MAGI1: variants seen among roughly 807,000 people sequenced by gnomAD.
MAGI1 encodes membrane-associated guanylate kinase, WW and PDZ domain-containing protein 1.
In MAGI1, 58 loss-of-function variants were observed where a neutral mutation model predicts 139.9. The ratio of observed to expected loss-of-function variants is 0.41; its 90% confidence interval spans 0.34 to 0.52. MAGI1 has a LOEUF of 0.52. Ranked by LOEUF, MAGI1 falls within the 20% of genes least tolerant of loss-of-function variation. The probability of loss-of-function intolerance (pLI) is 0.12; values close to 1 mark genes in which losing one functional copy is unlikely to be tolerated. For synonymous variants in MAGI1, 812 were observed against 737.9 expected (o/e 1.10, Z -1.63); for missense variants, 1,874 against 1,901.6 (o/e 0.99, Z 0.27).
At chr3:65,419,822 T>A (rs992322186) in intron 12 of MAGI1, among the ~76,000 whole-genome samples, 2 of 152,120 alleles carry the variant, frequency 1.3e-5, no homozygotes, top group Non-Finnish European at 2.9e-5. Context: ...CCCGTTCCTT[T>A]ACATATCGCC....
intron 1 of MAGI1, among the ~76,000 whole-genome samples, chr3:65,903,130 G>A (rs577525508): frequency 6.6e-6 from 1 of 152,134 alleles, no homozygotes; most frequent in African/African-American, 2.4e-5. Context: ...CTGGGACTAG[G>A]ACTACTGGCA....
chr3:65,917,511 T>C (rs2061961376), intron 1 of MAGI1, among the ~76,000 whole-genome samples: 1 of 152,184 alleles, frequency 6.6e-6, no homozygotes, highest in African/African-American at 2.4e-5. Context: ...TGAAAGTTTA[T>C]AAAAGCTTTA....
At chr3:66,026,627 G>A (rs2068276355) in intron 1 of MAGI1, among the ~76,000 whole-genome samples, 2 of 151,432 alleles carry the variant, frequency 1.3e-5, no homozygotes, top group South Asian at 2.1e-4. Flanking sequence ...TAGTTACAAG[G>A]CACCATTGTG....
chr3:65,914,885 T>C (rs2061828593), intron 1 of MAGI1, among the ~76,000 whole-genome samples: 1 of 152,192 alleles, frequency 6.6e-6, no homozygotes, highest in Non-Finnish European at 1.5e-5. Flanking sequence ...GAGCATCAAC[T>C]TCCCCATCTA....
intron 1 of MAGI1, among the ~76,000 whole-genome samples, chr3:65,903,511 T>C (rs2061321564): frequency 6.6e-6 from 1 of 152,094 alleles, no homozygotes; most frequent in African/African-American, 2.4e-5. Context: ...TCATGAAATG[T>C]TCTTATCAAA....
intron 2 of MAGI1, among the ~76,000 whole-genome samples, chr3:65,619,645 C>A (rs144566584): frequency 6.6e-6 from 1 of 152,148 alleles, no homozygotes; most frequent in Non-Finnish European, 1.5e-5. Context: ...GCACAACAGG[C>A]TGGTGGAGAG....
At chr3:65,824,060 A>G (rs1271641478) in intron 1 of MAGI1, among the ~76,000 whole-genome samples, 1 of 152,256 alleles carries the variant, frequency 6.6e-6, no homozygotes, top group Non-Finnish European at 1.5e-5. Flanking sequence ...AATGCCAAGT[A>G]CAAAACAATC....
At chr3:65,937,890 G>A (rs2063140378) in intron 1 of MAGI1, among the ~76,000 whole-genome samples, 1 of 151,914 alleles carries the variant, frequency 6.6e-6, no homozygotes, top group South Asian at 2.1e-4. Flanking sequence ...CATTCCGTTT[G>A]TTGGAAAATA....
intron 1 of MAGI1, among the ~76,000 whole-genome samples, chr3:65,720,906 C>T (rs750926249): frequency 5.3e-5 from 8 of 151,928 alleles, no homozygotes; most frequent in East Asian, 3.9e-4. Flanking sequence ...CACAACACCA[C>T]GCCTGGCTAA....
intron 2 of MAGI1, among the ~76,000 whole-genome samples, chr3:65,621,640 A>G (rs894731793): frequency 1.3e-5 from 2 of 152,166 alleles, no homozygotes; most frequent in African/African-American, 4.8e-5. Flanking sequence ...ACAGCACACC[A>G]TTACCTTAGA....
intron 2 of MAGI1, among the ~76,000 whole-genome samples, chr3:65,620,439 T>C (rs1287865656): frequency 1.3e-5 from 2 of 152,166 alleles, no homozygotes; most frequent in Non-Finnish European, 2.9e-5. Context: ...TGCCTGACAG[T>C]GCAGAAGAAG....
chr3:65,889,975 C>T (rs1370976019), intron 1 of MAGI1, among the ~76,000 whole-genome samples: 2 of 152,186 alleles, frequency 1.3e-5, no homozygotes, highest in African/African-American at 4.8e-5. Flanking sequence ...AGCTTTGTGC[C>T]TTTCAACAGA....
chr3:65,397,438 A>G (rs1944479671), intron 13 of MAGI1, among the ~76,000 whole-genome samples: 1 of 152,132 alleles, frequency 6.6e-6, no homozygotes, highest in Admixed American at 6.5e-5. Context: ...TGCTCTAAAG[A>G]GGCTGTTGAA....
At chr3:65,455,505 G>A (rs1238433540) in intron 5 of MAGI1, among the ~76,000 whole-genome samples, 1 of 152,104 alleles carries the variant, frequency 6.6e-6, no homozygotes, top group Non-Finnish European at 1.5e-5. Context: ...GAGCTCAGGA[G>A]TTCAAAACCA....
intron 2 of MAGI1, among the ~76,000 whole-genome samples, chr3:65,620,745 C>T (rs939058258): frequency 8.5e-5 from 13 of 152,342 alleles, no homozygotes; most frequent in African/African-American, 3.1e-4. Context: ...TGCAGCTTAG[C>T]CACTCCATGG....
chr3:65,633,268 C>T (rs2084416911), intron 1 of MAGI1, among the ~76,000 whole-genome samples: 2 of 152,136 alleles, frequency 1.3e-5, no homozygotes, highest in African/African-American at 4.8e-5. Context: ...ACTCCAGACA[C>T]GGGGTACCTC....
Position 65,382,048 on chromosome 3 carries a change from G to A in MAGI1, c.2530C>T (p.Pro844Ser), listed in dbSNP as rs1385867661. The change falls in exon 16 of 23, where the codon CCA (proline) becomes TCA (serine). Residue 844 changes from proline (P) to serine (S), a missense_variant. Physicochemically the swap from Pro to Ser is moderately conservative, Grantham distance 74 (BLOSUM62 -1). Coordinates refer to ENST00000402939, the MANE Select transcript of MAGI1 (RefSeq NM_001033057.2). ...GEPIYIGHIVPLGAADTDGRL... is the reference protein window; with the variant it reads ...GEPIYIGHIVSLGAADTDGRL... ...CCGTCAGTATCAGCAGCACCCAGTG[G>A]TACGATGTGACCAATATAAATCTGT... 1.9e-6 allele frequency: 3 copies of A among 1,612,656 alleles called. No homozygotes were observed. In the East Asian group the frequency reaches 6.7e-5, roughly 36 times the overall value.
At chr3:65,808,729 C>T (rs1425045172) in intron 1 of MAGI1, among the ~76,000 whole-genome samples, 1 of 152,198 alleles carries the variant, frequency 6.6e-6, no homozygotes, top group Non-Finnish European at 1.5e-5. Context: ...ACCCACCTCA[C>T]AAATTGGGGA....
At chr3:65,749,462 G>A (rs1460927674) in intron 1 of MAGI1, among the ~76,000 whole-genome samples, 2 of 152,106 alleles carry the variant, frequency 1.3e-5, no homozygotes, top group Admixed American at 1.3e-4. Flanking sequence ...ATAAGTGGGA[G>A]CTAAGCTATG....
Sources: gnomAD v4.1 joint callset for allele counts (sites outside exome capture counted in the v4.1 genomes callset) on GRCh38, gnomAD v4.1.1 for gene constraint, MANE v1.5 for transcripts, NCBI Gene and HGNC (gene_info 2026-07-23, HGNC 2026-07-21) for gene names.